Variants in FAM50B observed in about 807,000 individuals in gnomAD.
FAM50B encodes the protein protein FAM50B.
Under a neutral mutation model 25.4 loss-of-function variants are expected in FAM50B, and 9 were observed. The ratio of observed to expected loss-of-function variants is 0.35; its 90% CI spans 0.21 to 0.62. FAM50B has a LOEUF of 0.62. Ranked by LOEUF, FAM50B falls within the 20% of genes least tolerant of loss-of-function variation. The pLI is 0.73. For synonymous variants in FAM50B, 212 were observed against 204.3 expected (o/e 1.04, Z -0.32); for missense variants, 372 against 477.9 (o/e 0.78, Z 2.07).
chr6:3,850,933 C>A lies in FAM50B; in HGVS notation c.*144C>A. 7.5e-7 allele frequency: 1 copy of A among 1,324,864 alleles called. No homozygotes were observed. The highest frequency in any genetic ancestry group is 1.0e-6 in the Non-Finnish European group (1 of 981,868). The allele number at this position is 1,324,864 out of a possible 1,614,324, so 82.1% of individuals were successfully genotyped here. A position where few individuals can be genotyped will look rare whatever the true frequency, so the allele number is the denominator to read the frequency against. On this transcript the variant is annotated 3_prime_UTR_variant, in exon 2 of 2. Coordinates refer to ENST00000648326, the MANE Select transcript of FAM50B (RefSeq NM_012135.3). Reference sequence around the variant, plus strand: ...GTTCTCATGATTCACATTGGTTGTGCTATTGCTGATGTTATGCTTTGGTTG... The same window carrying A: ...GTTCTCATGATTCACATTGGTTGTGATATTGCTGATGTTATGCTTTGGTTG...
the FAM50B span, among the ~76,000 whole-genome samples, chr6:3,842,142 G>A: frequency 5.3e-5 from 8 of 152,348 alleles, no homozygotes; most frequent in South Asian, 8.3e-4. Flanking sequence ...TCAGTTTGAC[G>A]AAGGAAGAAG....
chr6:3,836,319 A>G, the FAM50B span, among the ~76,000 whole-genome samples: 1 of 152,236 alleles, frequency 6.6e-6, no homozygotes, highest in African/African-American at 2.4e-5. Flanking sequence ...ACCCTCTAGC[A>G]ATATTCAATT....
chr6:3,849,148 G>T (rs1419748762), upstream of FAM50B, among the ~76,000 whole-genome samples: 1 of 152,164 alleles, frequency 6.6e-6, no homozygotes, highest in African/African-American at 2.4e-5. Flanking sequence ...CAGGAGCCCC[G>T]GCCAGCCACG....
chr6:3,842,597 C>T, the FAM50B span, among the ~76,000 whole-genome samples: 1 of 152,166 alleles, frequency 6.6e-6, no homozygotes, highest in African/African-American at 2.4e-5. Flanking sequence ...AGCTATCCCT[C>T]AGGTGATGCT....
intron 1 of FAM50B, 90 bp from the exon 2 acceptor site, chr6:3,849,699 C>T (rs919098228): frequency 1.6e-4 from 231 of 1,437,864 alleles, no homozygotes; most frequent in Non-Finnish European, 1.9e-4. Flanking sequence ...CCATCACTGC[C>T]GAAAGCCCTG....
chr6:3,842,787 A>G, the FAM50B span, among the ~76,000 whole-genome samples: 34 of 152,252 alleles, frequency 2.2e-4, no homozygotes, highest in Non-Finnish European at 3.8e-4. Context: ...TAAAAGACAT[A>G]AAAGCATATT....
Position 3,850,064 on chromosome 6 carries a change from G to A in FAM50B, c.253G>A (p.Glu85Lys), listed in dbSNP as rs755628628. 3 of 1,611,220 alleles carry A rather than the reference G, an allele frequency of 1.9e-6. No homozygotes were observed. The highest frequency in any genetic ancestry group is 1.7e-4 in the Middle Eastern group (1 of 6,050). The change falls in exon 2 of 2, where the codon GAG (glutamate) becomes AAG (lysine). Residue 85 changes from glutamate (E) to lysine (K), a missense_variant. By Grantham distance (56) the Glu-to-Lys change is moderately conservative (BLOSUM62 1). Coordinates refer to ENST00000648326, the MANE Select transcript of FAM50B (RefSeq NM_012135.3). ...ARQEALVRER[E>K]RQLAKRQHLE... Reference sequence around the variant, plus strand: ...GCAGGAGGCCCTGGTCAGGGAGCGCGAGCGGCAGCTGGCCAAGCGCCAGCA... The same window carrying A: ...GCAGGAGGCCCTGGTCAGGGAGCGCAAGCGGCAGCTGGCCAAGCGCCAGCA...
At chr6:3,849,665 G>A in intron 1 of FAM50B, 124 bp from the exon 2 acceptor site, 1 of 1,383,690 alleles carries the variant, frequency 7.2e-7, no homozygotes, top group Non-Finnish European at 9.5e-7. Flanking sequence ...TACCCTAGCA[G>A]GTCGGCCCAG....
chr6:3,838,049 G>A, the FAM50B span, among the ~76,000 whole-genome samples: 1 of 152,226 alleles, frequency 6.6e-6, no homozygotes, highest in Non-Finnish European at 1.5e-5. Flanking sequence ...TTCTGAGAAT[G>A]ACAACTGATA....
the FAM50B span, among the ~76,000 whole-genome samples, chr6:3,841,322 A>G: frequency 1.3e-5 from 2 of 152,204 alleles, no homozygotes; most frequent in Admixed American, 6.5e-5. Flanking sequence ...GGATCACGAT[A>G]GCTCTGGGAA....
rs1762193583 is a variant in FAM50B, at chr6:3,850,218, C to CCAGGCGCGCCGGAAACCTGGG, written c.410_430dup (p.Arg137_Gly143dup). On this transcript the variant is annotated inframe_insertion, in exon 2 of 2. Coordinates refer to ENST00000648326, the MANE Select transcript of FAM50B (RefSeq NM_012135.3). The stretch of plus-strand genomic sequence containing the variant: ...GATGACCAGGCCGACGCGGCCGAGG[C>CCAGGCGCGCCGGAAACCTGGG]CAGGCGCGCCGGAAACCTGGGCAAG... 6.2e-7 allele frequency: 1 copy of CCAGGCGCGCCGGAAACCTGGG among 1,613,180 alleles called. No individual in the cohort carries two copies. Among genetic ancestry groups the CCAGGCGCGCCGGAAACCTGGG allele is most frequent in the Non-Finnish European group, 8.5e-7 (1 of 1,179,856 alleles).
upstream of FAM50B, among the ~76,000 whole-genome samples, chr6:3,846,475 A>G (rs1762124364): frequency 6.6e-6 from 1 of 152,192 alleles, no homozygotes; most frequent in South Asian, 2.1e-4. Context: ...TTGCTGGTGG[A>G]GGGTCTTGCC....
At chr6:3,848,307 A>T (rs574548652), upstream of FAM50B, among the ~76,000 whole-genome samples, 1 of 152,342 alleles carries the variant, frequency 6.6e-6, no homozygotes, top group East Asian at 1.9e-4. Context: ...GATTAAAAAA[A>T]ATGCTAATTT....
the FAM50B span, among the ~76,000 whole-genome samples, chr6:3,836,506 C>T: frequency 2.6e-4 from 39 of 152,278 alleles, 1 homozygote; most frequent in South Asian, 8.1e-3. Flanking sequence ...CAGTATGCAC[C>T]ATCTAGCAGA....
At chr6:3,849,685 G>A (rs1362575143) in intron 1 of FAM50B, 104 bp from the exon 2 acceptor site, 4 of 1,426,816 alleles carry the variant, frequency 2.8e-6, no homozygotes, top group East Asian at 2.5e-5. Context: ...GCCCCTGAAC[G>A]CTTCCATCAC....
At chr6:3,832,466 C>T in the FAM50B span, among the ~76,000 whole-genome samples, 2 of 152,260 alleles carry the variant, frequency 1.3e-5, no homozygotes, top group South Asian at 2.1e-4. Context: ...ACCAGCTTCA[C>T]GCAGCAGCAC....
chr6:3,832,722 A>T, the FAM50B span, among the ~76,000 whole-genome samples: 1 of 152,192 alleles, frequency 6.6e-6, no homozygotes, highest in East Asian at 1.9e-4. Context: ...AACCCAGGCT[A>T]AGAGAGAATA....
the FAM50B span, among the ~76,000 whole-genome samples, chr6:3,841,809 G>C: frequency 0.47 from 71,619 of 152,098 alleles, 17,203 homozygotes; most frequent in Non-Finnish European, 0.49. Context: ...CTCCCTCTAC[G>C]AGTCTCATTA....
At chr6:3,846,148 T>C (rs1762119174), upstream of FAM50B, among the ~76,000 whole-genome samples, 1 of 152,096 alleles carries the variant, frequency 6.6e-6, no homozygotes, top group Admixed American at 6.6e-5. Flanking sequence ...AGTTGGAGTT[T>C]TTCAAGTAGG....
Sources: gnomAD v4.1 joint callset for allele counts (sites outside exome capture counted in the v4.1 genomes callset) on GRCh38, gnomAD v4.1.1 for gene constraint, MANE v1.5 for transcripts, NCBI Gene and HGNC (gene_info 2026-07-23, HGNC 2026-07-21) for gene names.